CEBPZ: variants seen among roughly 807,000 people sequenced by gnomAD.
The protein encoded by CEBPZ is CCAAT enhancer binding protein zeta.
Under a neutral mutation model 104.5 loss-of-function variants are expected in CEBPZ, and 78 were observed. The ratio of observed to expected loss-of-function variants is 0.75; its 90% CI spans 0.62 to 0.90. CEBPZ has a LOEUF of 0.90. CEBPZ is among the 40% of genes least tolerant of loss of function. CEBPZ has a pLI of 0.00. For synonymous variants in CEBPZ, 470 were observed against 427.0 expected (o/e 1.10, Z -1.24); for missense variants, 1,439 against 1,233.5 (o/e 1.17, Z -2.50).
chr2:37,229,100 G>T, intron 1 of CEBPZ, 64 bp from the exon 2 acceptor site: 1 of 1,270,058 alleles, frequency 7.9e-7, no homozygotes. Flanking sequence ...TAAAATAATA[G>T]GAAACACAAC....
At position 37,213,858 on chromosome 2, in the gene CEBPZ, A is replaced by C; in HGVS notation, c.2545+6T>G. ...TATTTTACAAAGAGTCAACAAAACA[A>C]ATTACCAATCAGCTCTTCAAATTCT... On this transcript the variant is annotated splice_donor_region_variant and intron_variant, in intron 10 of 15. Coordinates refer to ENST00000234170, the MANE Select transcript of CEBPZ (RefSeq NM_005760.3). The C allele has an allele frequency of 1.3e-6, 2 of 1,586,192 alleles. No homozygotes were observed. Among genetic ancestry groups the C allele is most frequent in the Non-Finnish European group, 1.7e-6 (2 of 1,159,400 alleles).
chr2:37,231,374 C>G, intron 1 of CEBPZ, 38 bp downstream of exon 1: 7 of 1,612,644 alleles, frequency 4.3e-6, no homozygotes, highest in African/African-American at 1.3e-5. Flanking sequence ...CGGAACTCTC[C>G]ACGCCTGATC....
chr2:37,217,594 T>C lies in CEBPZ; in HGVS notation c.2155-557A>G, dbSNP rs76653834. 9.0e-3 allele frequency among the ~76,000 whole-genome samples: 1,373 copies of C among 152,242 alleles called. 19 individuals carry two copies. Among genetic ancestry groups the C allele is most frequent in the East Asian group, 0.055 (287 of 5,176 alleles). ...TAAACAGAAAAATTGTAAATACTTA[T>C]AGGTCCATTAAAAATAACAATAAAG... On this transcript the variant is annotated intron_variant, in intron 5 of 15. Coordinates refer to ENST00000234170, the MANE Select transcript of CEBPZ (RefSeq NM_005760.3).
chr2:37,231,549 G>C lies in CEBPZ; in HGVS notation c.19C>G (p.Pro7Ala), dbSNP rs751277275. 1 of 1,614,212 alleles carries C rather than the reference G, an allele frequency of 6.2e-7. No homozygotes were observed. The highest frequency in any genetic ancestry group is 1.1e-5 in the South Asian group (1 of 91,086). ...GGCCGCTTGGCATGGAACTCCAAAG[G>C]CTCCTTGACTGCGGCCATGGCGGGC... MAAVKE[P>A]LEFHAKRPWR... The change falls in exon 1 of 16, where the codon CCT (proline) becomes GCT (alanine). Residue 7 changes from proline to alanine, a missense_variant. Physicochemically the swap from Pro to Ala is conservative, Grantham distance 27 (BLOSUM62 -1). Coordinates refer to ENST00000234170, the MANE Select transcript of CEBPZ (RefSeq NM_005760.3).
chr2:37,214,965 A>G lies in CEBPZ; in HGVS notation c.2381-13T>C. The stretch of plus-strand genomic sequence containing the variant: ...TCCTTACTGTTCACTACAAAAATAA[A>G]TTTAAACATTTTAACTTCATATAGC... On this transcript the variant is annotated splice_polypyrimidine_tract_variant and intron_variant, in intron 8 of 15. Coordinates refer to ENST00000234170, the MANE Select transcript of CEBPZ (RefSeq NM_005760.3). 1 of 1,567,474 alleles carries G rather than the reference A, an allele frequency of 6.4e-7. No individual in the cohort carries two copies. The highest frequency in any genetic ancestry group is 2.2e-5 in the East Asian group (1 of 44,602).
chr2:37,229,174 C>G (rs1467243463), intron 1 of CEBPZ, 138 bp from the exon 2 acceptor site: 48 of 723,026 alleles, frequency 6.6e-5, no homozygotes, highest in Non-Finnish European at 4.1e-6. Context: ...AACTCAGGGT[C>G]CACAAAGGAA....
At chr2:37,226,799 G>A (rs1243161513) in intron 2 of CEBPZ, among the ~76,000 whole-genome samples, 1 of 152,130 alleles carries the variant, frequency 6.6e-6, no homozygotes, top group African/African-American at 2.4e-5. Context: ...CAGTTGCTAT[G>A]TTCGACTGTC....
In CEBPZ at chr2:37,212,334, C is replaced by G. The variant is rs1677748202; in HGVS notation, c.2603+1G>C. On this transcript the variant is annotated splice_donor_variant, in intron 11 of 15. Transcript: ENST00000234170. LOFTEE classifies it high-confidence loss of function. ...GGAAGGAGAAGATAGAAGTATGTTA[C>G]CCAGCAAAATCCATATCATCCTTTC... 6.2e-7 allele frequency: 1 copy of G among 1,612,336 alleles called. No homozygotes were observed. The highest frequency in any genetic ancestry group is 8.5e-7 in the Non-Finnish European group (1 of 1,178,788).
Position 37,228,119 on chromosome 2 carries a change from T to G in CEBPZ, c.1074A>C (p.Leu358Phe). 2 of 1,614,246 alleles carry G rather than the reference T, an allele frequency of 1.2e-6. No homozygotes were observed. Among genetic ancestry groups the G allele is most frequent in the Non-Finnish European group, 1.7e-6 (2 of 1,180,054 alleles). ...QVLETLSHDT[L>F]VTTKTRALTV... is the part of the protein sequence containing the mutation. ...TAAGGGCTCGAGTTTTAGTGGTTAC[T>G]AATGTATCATGACTTAAAGTTTCTA... Residue 358 changes from leucine to phenylalanine, a missense_variant, in exon 2 of 16, where the codon TTA (leucine) becomes TTC (phenylalanine). Leu to Phe is a conservative substitution (Grantham distance 22). Transcript: ENST00000234170.
At chr2:37,229,484 T>C (rs1664980730) in intron 1 of CEBPZ, among the ~76,000 whole-genome samples, 1 of 152,172 alleles carries the variant, frequency 6.6e-6, no homozygotes, top group Admixed American at 6.5e-5. Context: ...AAAACCACAA[T>C]GATACATCCA....
chr2:37,231,376 C>G, intron 1 of CEBPZ, 36 bp downstream of exon 1: 1 of 1,612,668 alleles, frequency 6.2e-7, no homozygotes, highest in Non-Finnish European at 8.5e-7. Context: ...GAACTCTCCA[C>G]GCCTGATCCC....
Position 37,220,469 on chromosome 2 carries a change from C to A in CEBPZ, c.2070G>T (p.Gly690=). 6.4e-7 allele frequency: 1 copy of A among 1,573,806 alleles called. No homozygotes were observed. Among genetic ancestry groups the A allele is most frequent in the Admixed American group, 1.7e-5 (1 of 57,582 alleles). Residue 690 remains glycine (G), a synonymous_variant, in exon 5 of 16, where the codon GGG becomes GGT. Coordinates refer to ENST00000234170, the MANE Select transcript of CEBPZ (RefSeq NM_005760.3). ...SWVHFDNLKG[G]KQLNKYDPFS... Reference sequence around the variant, plus strand: ...ATGGATCGTATTTATTTAACTGTTTCCCACCTAGGAATAACAAAAAAAATA... The same window carrying A: ...ATGGATCGTATTTATTTAACTGTTTACCACCTAGGAATAACAAAAAAAATA...
chr2:37,229,673 G>A (rs543360450), intron 1 of CEBPZ, among the ~76,000 whole-genome samples: 16 of 152,222 alleles, frequency 1.1e-4, no homozygotes, highest in Non-Finnish European at 1.9e-4. Flanking sequence ...TTTAATACAA[G>A]GCACACATCT....
intron 13 of CEBPZ, among the ~76,000 whole-genome samples, chr2:37,206,580 A>G (rs1196054752): frequency 6.6e-6 from 1 of 151,442 alleles, no homozygotes; most frequent in Non-Finnish European, 1.5e-5. Flanking sequence ...CTGGTCTTGA[A>G]CTCCTGACTT....
chr2:37,219,037 G>C (rs1467826490), intron 5 of CEBPZ, among the ~76,000 whole-genome samples: 1 of 152,242 alleles, frequency 6.6e-6, no homozygotes, highest in East Asian at 1.9e-4. Context: ...AGCTCAAGGT[G>C]GTGGTTACAA....
intron 5 of CEBPZ, 121 bp from the exon 6 acceptor site, chr2:37,217,158 G>A (rs1664624169): frequency 1.3e-6 from 1 of 756,830 alleles, no homozygotes; most frequent in South Asian, 1.6e-5. Context: ...AGCACTTTGG[G>A]AGGCTCAGGC....
At chr2:37,214,272 T>C (rs1383578881) in intron 9 of CEBPZ, among the ~76,000 whole-genome samples, 1 of 152,120 alleles carries the variant, frequency 6.6e-6, no homozygotes, top group Non-Finnish European at 1.5e-5. Context: ...TTCTAAATGA[T>C]TTTAAAAAAC....
At chr2:37,231,260 G>T in intron 1 of CEBPZ, 152 bp downstream of exon 1, 2 of 1,012,862 alleles carry the variant, frequency 2.0e-6, no homozygotes, top group Non-Finnish European at 3.1e-6. Context: ...GGAAACCGGC[G>T]TGGGAAGCGC....
chr2:37,229,092 AAAT>A, intron 1 of CEBPZ, 56 bp from the exon 2 acceptor site: 1 of 1,321,542 alleles, frequency 7.6e-7, no homozygotes, highest in Non-Finnish European at 1.0e-6. Context: ...TAAAACCATA[AAAT>A]AATAGGAAAC....
Sources: gnomAD v4.1 joint callset for allele counts (sites outside exome capture counted in the v4.1 genomes callset) on GRCh38, gnomAD v4.1.1 for gene constraint, MANE v1.5 for transcripts, NCBI Gene and HGNC (gene_info 2026-07-23, HGNC 2026-07-21) for gene names.